The following TNFAIP2 variants were observed in gnomAD, a reference collection of about 807,000 sequenced individuals.
The protein encoded by TNFAIP2 is TNF alpha induced protein 2, also known as tumor necrosis factor alpha-induced protein 2.
TNFAIP2 carries 47 observed loss-of-function variants against 63.5 expected under a neutral mutation model. That is an observed-to-expected ratio of 0.74 (90% CI 0.59 to 0.94). The LOEUF is 0.94. Ranked by LOEUF, TNFAIP2 falls within the 40% of genes least tolerant of loss-of-function variation. The pLI, the probability that TNFAIP2 is intolerant of heterozygous loss-of-function variation, is 0.00. For missense variants in TNFAIP2, 787 were observed against 850.2 expected, an observed-to-expected ratio of 0.93 and a Z score of 0.92; for synonymous variants, 405 against 390.2, an observed-to-expected ratio of 1.04 and a Z score of -0.45.
Position 103,131,037 on chromosome 14 carries a change from T to C in TNFAIP2, c.1200-15T>C. ...TTTGGGCTGGTCCTGAATGTGCCCC[T>C]TCTGGTTTCGCCAGCTACCAGCGCG... On this transcript the variant is annotated splice_polypyrimidine_tract_variant and intron_variant, in intron 6 of 11. Coordinates refer to ENST00000560869, the MANE Select transcript of TNFAIP2 (RefSeq NM_006291.4). This position sits in a 1 kb window ranked among gnomAD's most constrained non-coding sequence, Gnocchi z 4.0. 2 of 1,613,966 alleles carry C rather than the reference T, an allele frequency of 1.2e-6. No homozygotes were observed. Among genetic ancestry groups the C allele is most frequent in the Non-Finnish European group, 1.7e-6 (2 of 1,179,930 alleles).
In TNFAIP2 at chr14:103,130,323, C is replaced by T; in HGVS notation, c.1107C>T (p.Ser369=). The change falls in exon 6 of 12, where the codon TCC becomes TCT. Residue 369 remains serine (S), a synonymous_variant. Transcript: ENST00000560869. ...ELAIDIIQIT[S]QAQAKAESIT... ...CCACCACCACCCTGCAGATCACCTC[C>T]CAGGCCCAGGCCAAGGCCGAGAGCA... 1 of 1,559,814 alleles carries T rather than the reference C, an allele frequency of 6.4e-7. No individual in the cohort carries two copies. The highest frequency in any genetic ancestry group is 8.7e-7 in the Non-Finnish European group (1 of 1,151,636).
chr14:103,132,511 C>T (rs528898198), intron 8 of TNFAIP2, among the ~76,000 whole-genome samples: 2 of 152,302 alleles, frequency 1.3e-5, no homozygotes, highest in South Asian at 4.1e-4. Flanking sequence ...GACAGGCTCT[C>T]CTGGCTCCTG....
Position 103,133,738 on chromosome 14 carries a change from C to G in TNFAIP2, c.1758C>G (p.Arg586=). The change falls in exon 11 of 12, where the codon CGC becomes CGG. Residue 586 remains arginine (R), a synonymous_variant. Coordinates refer to ENST00000560869, the MANE Select transcript of TNFAIP2 (RefSeq NM_006291.4). ...TCCCTACGCTGGCCGAGATCATTCG[C>G]CTGCAGGACCCCAGTGCCATCAAGA... ...PALPTLAEII[R]LQDPSAIKIE... is the part of the protein sequence containing the mutation. 2.5e-6 allele frequency: 4 copies of G among 1,597,272 alleles called. No homozygotes were observed. Among genetic ancestry groups the G allele is most frequent in the Non-Finnish European group, 3.4e-6 (4 of 1,176,734 alleles).
In TNFAIP2 at chr14:103,131,810, A is replaced by G; in HGVS notation, c.1422+48A>G. The G allele has an allele frequency of 1.3e-6, 2 of 1,586,834 alleles. No individual in the cohort carries two copies. The highest frequency in any genetic ancestry group is 1.7e-6 in the Non-Finnish European group (2 of 1,164,966). ...AGGAGCCCAGTGTTGGGGGGTTCCC[A>G]GGGAGGGACTGGGAGGTGCCCCCAG... is the stretch of plus-strand genomic sequence containing the variant. On this transcript the variant is annotated intron_variant, in intron 8 of 11. Transcript: ENST00000560869. This position sits in a 1 kb window ranked among gnomAD's most constrained non-coding sequence, Gnocchi z 4.0.
At chr14:103,130,516 C>G (rs944271578) in intron 6 of TNFAIP2, 101 bp downstream of exon 6, 7 of 1,087,888 alleles carry the variant, frequency 6.4e-6, no homozygotes, top group Non-Finnish European at 9.4e-6. Context: ...TCCCCGCCCT[C>G]TACCCCTGTC....
chr14:103,128,435 G>T (rs1028853134), intron 3 of TNFAIP2, among the ~76,000 whole-genome samples: 5 of 152,192 alleles, frequency 3.3e-5, no homozygotes, highest in African/African-American at 1.2e-4. Flanking sequence ...CCCGTCATTC[G>T]CACGGTCTGC....
chr14:103,122,320 G>C (rs1482670382), upstream of TNFAIP2, among the ~76,000 whole-genome samples: 3 of 152,018 alleles, frequency 2.0e-5, no homozygotes, highest in Non-Finnish European at 4.4e-5. Flanking sequence ...CACTCCGCTG[G>C]CCCCCCTGGT....
At chr14:103,134,865 G>T (rs1484743011) in intron 11 of TNFAIP2, among the ~76,000 whole-genome samples, 1 of 152,240 alleles carries the variant, frequency 6.6e-6, no homozygotes, top group Non-Finnish European at 1.5e-5. Context: ...ATTACAAGTT[G>T]TAAATAGGGT....
In TNFAIP2 at chr14:103,131,767, C is replaced by T. The variant is rs752311949; in HGVS notation, c.1422+5C>T. ...AACCTGCATGAGGACCTGAAGGTAG[C>T]GGGAGCCTCTTGCCCTCAGGAGCCC... On this transcript the variant is annotated splice_donor_5th_base_variant and intron_variant, in intron 8 of 11. Transcript: ENST00000560869. The surrounding 1 kb of genome is among the most constrained non-coding windows in gnomAD (Gnocchi z 4.0). The T allele has an allele frequency of 6.2e-6, 10 of 1,609,928 alleles. No individual in the cohort carries two copies. The highest frequency in any genetic ancestry group is 2.2e-5 in the East Asian group (1 of 44,810).
chr14:103,129,459 G>A (rs2087924803), intron 3 of TNFAIP2, among the ~76,000 whole-genome samples: 1 of 149,758 alleles, frequency 6.7e-6, no homozygotes, highest in Non-Finnish European at 1.5e-5. Context: ...CGCCAGAGTG[G>A]CATGAGGCTG....
At chr14:103,122,648 G>A (rs937623798), upstream of TNFAIP2, 2 of 455,870 alleles carry the variant, frequency 4.4e-6, no homozygotes, top group African/African-American at 4.0e-5. Flanking sequence ...GCCTGGAAAC[G>A]GAGGCCTGCG....
intron 10 of TNFAIP2, 81 bp from the exon 11 acceptor site, chr14:103,133,601 C>T (rs2234143): frequency 0.79 from 1,242,424 of 1,564,198 alleles, 496,736 homozygotes; most frequent in African/African-American, 0.95. Context: ...AGATAGGCCG[C>T]TGGTGCCTCT....
Position 103,136,478 on chromosome 14 carries a change from GTCACCTCATTGAGGCC to G in TNFAIP2, c.*1121_*1136del, listed in dbSNP as rs1239291040. 6.6e-6 allele frequency: 1 copy of G among 150,976 alleles called. No individual in the cohort carries two copies. Among genetic ancestry groups the G allele is most frequent in the Non-Finnish European group, 1.5e-5 (1 of 68,148 alleles). 9.4% of individuals were successfully genotyped at this position (150,976 alleles called of 1,614,324 possible). On this transcript the variant is annotated 3_prime_UTR_variant, in exon 12 of 12. Coordinates refer to ENST00000560869, the MANE Select transcript of TNFAIP2 (RefSeq NM_006291.4). Reference sequence around the variant, plus strand: ...CTGTGGGTAGTTGAATCTTTTTCCCGTCACCTCATTGAGGCCTCCCCTCTCCTGCCTCCCTCCACCA... The same window carrying G: ...CTGTGGGTAGTTGAATCTTTTTCCCGTCCCCTCTCCTGCCTCCCTCCACCA...
At position 103,125,759 on chromosome 14, in the gene TNFAIP2, T is replaced by G. The variant is rs956956076; in HGVS notation, c.-148-551T>G. Among the ~76,000 whole-genome samples the G allele has an allele frequency of 2.0e-5, 3 of 152,166 alleles. No individual in the cohort carries two copies. In the South Asian group the frequency reaches 6.2e-4, roughly 31 times the overall value. On this transcript the variant is annotated intron_variant, in intron 1 of 11. Transcript: ENST00000560869. Reference sequence around the variant, plus strand: ...GGCCCAGCTGGAGCAGCTGTGTTTCTGTGACCCCACCGCTGGATCAGAACT... The same window carrying G: ...GGCCCAGCTGGAGCAGCTGTGTTTCGGTGACCCCACCGCTGGATCAGAACT...
intron 9 of TNFAIP2, 113 bp from the exon 10 acceptor site, chr14:103,133,249 C>G: frequency 7.3e-7 from 1 of 1,367,542 alleles, no homozygotes; most frequent in Non-Finnish European, 9.9e-7. Flanking sequence ...CGTGTGCAGT[C>G]TTTTGCTCTG....
At position 103,127,500 on chromosome 14, in the gene TNFAIP2, G is replaced by A; in HGVS notation, c.731G>A (p.Gly244Asp). 6.3e-7 allele frequency: 1 copy of A among 1,590,136 alleles called. No homozygotes were observed. Among genetic ancestry groups the A allele is most frequent in the Non-Finnish European group, 8.5e-7 (1 of 1,175,972 alleles). ...RLKPLFPAEF[G>D]VVAAYAESYH... ...AAGCCGCTGTTCCCCGCCGAGTTCG[G>A]CGTCGTGGCGGCCTACGCCGAGAGC... The change falls in exon 3 of 12, where the codon GGC becomes GAC. Residue 244 changes from glycine to aspartate, a missense_variant. Physicochemically the swap from Gly to Asp is moderately conservative, Grantham distance 94. Coordinates refer to ENST00000560869, the MANE Select transcript of TNFAIP2 (RefSeq NM_006291.4). The surrounding 1 kb of genome is among the most constrained non-coding windows in gnomAD (Gnocchi z 5.1).
At chr14:103,132,509 C>G (rs563247238) in intron 8 of TNFAIP2, among the ~76,000 whole-genome samples, 1 of 152,316 alleles carries the variant, frequency 6.6e-6, no homozygotes, top group South Asian at 2.1e-4. Context: ...CAGACAGGCT[C>G]TCCTGGCTCC....
In TNFAIP2 at chr14:103,130,911, A is replaced by G. The variant is rs1416366302; in HGVS notation, c.1200-141A>G. 1.3e-5 allele frequency: 10 copies of G among 782,506 alleles called. No individual in the cohort carries two copies. In the Admixed American group the frequency reaches 1.6e-4, roughly 13 times the overall value. 48.5% of individuals were successfully genotyped at this position (782,506 alleles called of 1,614,324 possible). On this transcript the variant is annotated intron_variant, in intron 6 of 11. Transcript: ENST00000560869. ...TTGTGAAGCCAGTTCCATGATGCCC[A>G]GGGGCTAGCGGCCCCTCCCTTGGCT...
chr14:103,133,100 A>G lies in TNFAIP2; in HGVS notation c.1545+228A>G, dbSNP rs565751773. Among the ~76,000 whole-genome samples, 9 of 152,300 alleles carry G rather than the reference A, an allele frequency of 5.9e-5. No homozygotes were observed. In the South Asian group the frequency reaches 1.9e-3, roughly 32 times the overall value. ...CACATGTGAATGCACGAGCATGTGAACACATGCACACATATGAACACACGT... is the reference window on the plus strand; with the variant it reads ...CACATGTGAATGCACGAGCATGTGAGCACATGCACACATATGAACACACGT... On this transcript the variant is annotated intron_variant, in intron 9 of 11. Coordinates refer to ENST00000560869, the MANE Select transcript of TNFAIP2 (RefSeq NM_006291.4).
Sources: allele counts gnomAD v4.1 joint callset (sites outside exome capture counted in the v4.1 genomes callset), GRCh38; gene constraint gnomAD v4.1.1; non-coding constraint Gnocchi (gnomAD v3.1); transcripts MANE v1.5; gene names NCBI Gene and HGNC (gene_info 2026-07-23, HGNC 2026-07-21).